UGP2: variants seen among roughly 807,000 people sequenced by gnomAD.
UGP2 encodes the protein UTP--glucose-1-phosphate uridylyltransferase.
UGP2 carries 40 observed loss-of-function variants against 49.0 expected under a neutral mutation model. The ratio of observed to expected loss-of-function variants is 0.82; its 90% CI spans 0.63 to 1.06. UGP2 has a LOEUF of 1.06. Ranked by LOEUF, UGP2 falls within the 50% of genes least tolerant of loss-of-function variation. UGP2 has a pLI of 0.00. For missense variants in UGP2, 460 were observed against 603.5 expected, an observed-to-expected ratio of 0.76 and a Z score of 2.49; for synonymous variants, 225 against 213.0, an observed-to-expected ratio of 1.06 and a Z score of -0.49.
intron 7 of UGP2, 51 bp downstream of exon 7, chr2:63,886,589 A>G (rs1464382528): frequency 6.3e-7 from 1 of 1,599,950 alleles, no homozygotes. Context: ...AGGTCATAGT[A>G]GGCTACACAC....
At chr2:63,854,553 TC>T (rs1669255125) in intron 1 of UGP2, among the ~76,000 whole-genome samples, 2 of 89,150 alleles carry the variant, frequency 2.2e-5, no homozygotes, top group East Asian at 1.3e-3. Flanking sequence ...GGGAAATGGT[TC>T]CCTGCTCTGT....
intron 2 of UGP2, 133 bp downstream of exon 2, chr2:63,856,566 A>T: frequency 4.9e-6 from 5 of 1,023,794 alleles, no homozygotes; most frequent in Non-Finnish European, 7.1e-6. Flanking sequence ...AAAAACAAAA[A>T]AATTAGAATT....
At chr2:63,880,818 G>A (rs892415380) in intron 3 of UGP2, among the ~76,000 whole-genome samples, 2 of 152,122 alleles carry the variant, frequency 1.3e-5, no homozygotes, top group Non-Finnish European at 2.9e-5. Context: ...TGTGGTCTGC[G>A]TTCTTTCCTG....
intron 3 of UGP2, 83 bp from the exon 4 acceptor site, chr2:63,882,383 C>A: frequency 3.3e-6 from 4 of 1,228,452 alleles, no homozygotes; most frequent in Admixed American, 2.8e-5. Flanking sequence ...TTTATGGAAG[C>A]ATGGAAATAA....
At chr2:63,858,787 A>T (rs1360135654) in intron 3 of UGP2, among the ~76,000 whole-genome samples, 1 of 152,062 alleles carries the variant, frequency 6.6e-6, no homozygotes, top group African/African-American at 2.4e-5. Context: ...TATGTTGTTT[A>T]AGAAAATAAG....
chr2:63,885,672 C>T lies in UGP2; in HGVS notation c.659C>T (p.Pro220Leu). ...YSGENTEAWY[P>L]PGHGDIYASF... ...GGGGAAAATACAGAAGCTTGGTACC[C>T]TCCAGGTCATGGTGATATTTACGCC... Residue 220 changes from proline (P) to leucine (L), a missense_variant, in exon 6 of 10, where the codon CCT (proline) becomes CTT (leucine). By Grantham distance (98) the Pro-to-Leu change is moderately conservative (BLOSUM62 -3). Around this residue, in one of 2 missense-constraint regions of UGP2, gnomAD observed 317 missense variants for 473.0 expected, o/e 0.67. Transcript: ENST00000337130. The T allele has an allele frequency of 1.2e-6, 2 of 1,613,742 alleles. No homozygotes were observed. Among genetic ancestry groups the T allele is most frequent in the Non-Finnish European group, 1.7e-6 (2 of 1,179,874 alleles).
intron 1 of UGP2, among the ~76,000 whole-genome samples, chr2:63,851,845 T>C (rs555357877): frequency 6.6e-6 from 1 of 152,352 alleles, no homozygotes; most frequent in African/African-American, 2.4e-5. Flanking sequence ...TTCCTTCTGC[T>C]GTGCTATCTT....
intron 3 of UGP2, among the ~76,000 whole-genome samples, chr2:63,861,092 T>C (rs1391861511): frequency 6.6e-6 from 1 of 152,046 alleles, no homozygotes; most frequent in Non-Finnish European, 1.5e-5. Context: ...AATGCTCTGC[T>C]CCTTCTTTGT....
Position 63,882,984 on chromosome 2 carries a change from G to A in UGP2, c.441+333G>A, listed in dbSNP as rs143579222. Among the ~76,000 whole-genome samples the A allele has an allele frequency of 2.3e-3, 344 of 152,260 alleles. 3 individuals carry two copies. In the Middle Eastern group the frequency reaches 0.024, roughly 11 times the overall value. ...ATCTTGCTTTATTAACCCCTTTTGG[G>A]AGGGTGGTGGGGAGGATGCTGTGTA... On this transcript the variant is annotated intron_variant, in intron 4 of 9. Coordinates refer to ENST00000337130, the MANE Select transcript of UGP2 (RefSeq NM_006759.4).
At position 63,885,705 on chromosome 2, in the gene UGP2, A is replaced by G; in HGVS notation, c.692A>G (p.Tyr231Cys). 1 of 1,614,010 alleles carries G rather than the reference A, an allele frequency of 6.2e-7. No individual in the cohort carries two copies. ...PGHGDIYASF[Y>C]NSGLLDTFIG... ...CATGGTGATATTTACGCCAGTTTCT[A>G]CAACTCTGGATTGCTTGATACCTTT... The change falls in exon 6 of 10, where the codon TAC (tyrosine) becomes TGC (cysteine). Residue 231 changes from tyrosine to cysteine, a missense_variant. Transcript: ENST00000337130.
At chr2:63,873,397 G>T (rs1239177766) in intron 3 of UGP2, among the ~76,000 whole-genome samples, 1 of 152,178 alleles carries the variant, frequency 6.6e-6, no homozygotes, top group Non-Finnish European at 1.5e-5. Context: ...ACTGGGAAAT[G>T]AATGACTTCT....
Position 63,887,419 on chromosome 2 carries a change from G to C in UGP2, c.1089G>C (p.Leu363=). Reference sequence around the variant, plus strand: ...TCTTACAGACTTTGGATGGAGGCCTGAATGTCATTCAATTAGAAACTGCAG... The same window carrying C: ...TCTTACAGACTTTGGATGGAGGCCTCAATGTCATTCAATTAGAAACTGCAG... ...IVNAKTLDGG[L]NVIQLETAVG... Residue 363 remains leucine (L), a synonymous_variant, in exon 8 of 10, where the codon CTG becomes CTC. Transcript: ENST00000337130. 6.2e-7 allele frequency: 1 copy of C among 1,613,996 alleles called. No individual in the cohort carries two copies. The highest frequency in any genetic ancestry group is 1.3e-5 in the African/African-American group (1 of 74,992).
At chr2:63,888,717 G>A (rs1671859348) in intron 8 of UGP2, 1 of 152,240 alleles carries the variant, frequency 6.6e-6, no homozygotes, top group South Asian at 2.1e-4. Flanking sequence ...AATAGTTGGA[G>A]AAAACCCACA....
intron 8 of UGP2, 41 bp downstream of exon 8, chr2:63,887,685 T>A: frequency 5.0e-6 from 8 of 1,603,762 alleles, no homozygotes; most frequent in Non-Finnish European, 6.0e-6. Context: ...ATTTCTTAAA[T>A]GTGTAATTAT....
intron 1 of UGP2, among the ~76,000 whole-genome samples, chr2:63,846,811 A>G (rs1671966973): frequency 5.9e-5 from 9 of 152,228 alleles, no homozygotes; most frequent in Admixed American, 5.9e-4. Context: ...GCACAGGGAT[A>G]GTGGCATGGA....
intron 3 of UGP2, among the ~76,000 whole-genome samples, chr2:63,861,344 A>T (rs947391788): frequency 2.0e-5 from 3 of 152,068 alleles, no homozygotes; most frequent in African/African-American, 7.3e-5. Context: ...ACGAGGAAGT[A>T]CGGGGCCTGT....
At chr2:63,869,414 A>G (rs1670394901) in intron 3 of UGP2, among the ~76,000 whole-genome samples, 2 of 152,172 alleles carry the variant, frequency 1.3e-5, no homozygotes, top group Admixed American at 1.3e-4. Flanking sequence ...TAGCAGGTTG[A>G]TCTTTTTTCC....
intron 8 of UGP2, 92 bp downstream of exon 8, chr2:63,887,736 C>A: frequency 6.7e-7 from 1 of 1,496,660 alleles, no homozygotes; most frequent in Non-Finnish European, 9.1e-7. Context: ...TAATTACAGT[C>A]TCTACCACTG....
intron 5 of UGP2, among the ~76,000 whole-genome samples, chr2:63,885,292 T>TA (rs1459263671): frequency 6.6e-6 from 1 of 152,166 alleles, no homozygotes; most frequent in African/African-American, 2.4e-5. Context: ...ATTTACTTGA[T>TA]ACATCCCTTC....
Sources: gnomAD v4.1 joint callset for allele counts (sites outside exome capture counted in the v4.1 genomes callset) on GRCh38, gnomAD v4.1.1 for gene constraint, gnomAD v4.1.1 regional missense constraint, MANE v1.5 for transcripts, NCBI Gene and HGNC (gene_info 2026-07-23, HGNC 2026-07-21) for gene names.